ZNF318: variants seen among roughly 807,000 people sequenced by gnomAD.
The protein encoded by ZNF318 is zinc finger protein 318, also known as endocrine regulator.
In ZNF318, 51 loss-of-function variants were observed where a neutral mutation model predicts 124.2. The observed-to-expected ratio is 0.41, with a 90% confidence interval of 0.33 to 0.52. ZNF318 has a LOEUF of 0.52. ZNF318 is among the 20% of genes least tolerant of loss of function. The pLI is 0.23. For missense variants in ZNF318, 2,815 were observed against 2,811.2 expected (o/e 1.00, Z -0.03); for synonymous variants, 1,090 against 1,040.7 (o/e 1.05, Z -0.91).
In ZNF318 at chr6:43,338,904, T is replaced by C. The variant is rs760585928; in HGVS notation, c.5094A>G (p.Ile1698Met). 1.4e-5 allele frequency: 22 copies of C among 1,614,026 alleles called. No individual in the cohort carries two copies. The highest frequency in any genetic ancestry group is 2.2e-5 in the South Asian group (2 of 91,086). Residue 1698 changes from isoleucine to methionine, a missense_variant, in exon 10 of 10, where the codon ATA becomes ATG. Ile to Met is a conservative substitution (Grantham distance 10). Around this residue, in one of 4 missense-constraint regions of ZNF318, gnomAD observed 927 missense variants for 820.6 expected, o/e 1.13. Transcript: ENST00000361428. ...TITPKTDTLA[I>M]WTSSSFQSDT... is the part of the protein sequence containing the mutation. ...CACTCTGGAAGGAACTAGAGGTCCATATGGCCAAAGTGTCTGTCTTTGGGG... is the reference window on the plus strand; with the variant it reads ...CACTCTGGAAGGAACTAGAGGTCCACATGGCCAAAGTGTCTGTCTTTGGGG...
intron 6 of ZNF318, 91 bp downstream of exon 6, chr6:43,348,233 G>T: frequency 7.8e-7 from 1 of 1,281,558 alleles, no homozygotes; most frequent in Non-Finnish European, 1.1e-6. Flanking sequence ...AGTAAGAACA[G>T]TTTGAAAACC....
chr6:43,342,066 C>T (rs1779379078), intron 8 of ZNF318, 46 bp downstream of exon 8: 2 of 1,531,330 alleles, frequency 1.3e-6, no homozygotes, highest in Non-Finnish European at 9.1e-7. Flanking sequence ...ACCTCTTCCT[C>T]AACTGAATGT....
chr6:43,367,174 C>G (rs1779773388), intron 1 of ZNF318, among the ~76,000 whole-genome samples: 1 of 152,164 alleles, frequency 6.6e-6, no homozygotes, highest in Non-Finnish European at 1.5e-5. Flanking sequence ...CTTAGTCCTT[C>G]TTAGTACTTA....
chr6:43,358,431 T>TTC (rs147476379), intron 2 of ZNF318, among the ~76,000 whole-genome samples: 12 of 150,936 alleles, frequency 8.0e-5, no homozygotes, highest in African/African-American at 2.9e-4. Context: ...TTTTTTTTTT[T>TTC]TTCTGATTTT....
chr6:43,353,914 G>C (rs1312747721), intron 4 of ZNF318, among the ~76,000 whole-genome samples: 2 of 151,778 alleles, frequency 1.3e-5, no homozygotes, highest in African/African-American at 4.8e-5. Context: ...CACAGGCTGG[G>C]GACCCAATGA....
chr6:43,360,568 T>A (rs571056235), intron 2 of ZNF318, among the ~76,000 whole-genome samples: 27 of 152,264 alleles, frequency 1.8e-4, no homozygotes, highest in Admixed American at 5.2e-4. Flanking sequence ...TACATTTTTG[T>A]GTTTACAAAT....
intron 3 of ZNF318, among the ~76,000 whole-genome samples, chr6:43,356,516 G>A (rs1296279752): frequency 2.0e-5 from 3 of 152,190 alleles, no homozygotes; most frequent in African/African-American, 4.8e-5. Context: ...ACTCTGGAAC[G>A]CTAACTCATC....
rs1181224072 is a variant in ZNF318, at chr6:43,369,624, C to T, written c.-259G>A. ...CTCCGGGGTTCCCCGCTCCTCCACT[C>T]AGGGAGCGGCCGCAGGAACCAAGAA... On this transcript the variant is annotated 5_prime_UTR_variant, in exon 1 of 10. Transcript: ENST00000361428. 6.5e-6 allele frequency: 1 copy of T among 154,012 alleles called. No individual in the cohort carries two copies. The highest frequency in any genetic ancestry group is 2.4e-5 in the African/African-American group (1 of 41,416). 9.5% of individuals were successfully genotyped at this position (154,012 alleles called of 1,614,324 possible).
chr6:43,346,710 A>G (rs1779453203), intron 6 of ZNF318, among the ~76,000 whole-genome samples: 1 of 152,156 alleles, frequency 6.6e-6, no homozygotes. Context: ...TTGGGCTTTA[A>G]TGGGTGAGTG....
chr6:43,342,292 T>A, intron 7 of ZNF318, 81 bp from the exon 8 acceptor site: 1 of 1,170,134 alleles, frequency 8.5e-7, no homozygotes, highest in Non-Finnish European at 1.2e-6. Context: ...TCCCCCATAA[T>A]AAGACCAGGG....
chr6:43,345,968 G>A (rs935436376), intron 6 of ZNF318, among the ~76,000 whole-genome samples: 77 of 151,798 alleles, frequency 5.1e-4, no homozygotes, highest in African/African-American at 1.5e-3. Flanking sequence ...TTTGGGAGGC[G>A]GGGGCAGGTG....
Position 43,355,458 on chromosome 6 carries a change from A to G in ZNF318, c.1876T>C (p.Leu626=). The G allele has an allele frequency of 6.2e-7, 1 of 1,614,200 alleles. No individual in the cohort carries two copies. The highest frequency in any genetic ancestry group is 8.5e-7 in the Non-Finnish European group (1 of 1,180,036). Residue 626 remains leucine, a synonymous_variant, in exon 4 of 10, where the codon TTA becomes CTA. Coordinates refer to ENST00000361428, the MANE Select transcript of ZNF318 (RefSeq NM_014345.3). The stretch of plus-strand genomic sequence containing the variant: ...GAACGGCGGTCAGCTGAGGAGCGTA[A>G]TGATGGCTTCTTGCCATGAAGTCGT... The part of the protein sequence containing the change: ...QERLHGKKPS[L]RSSADRRSSV...
rs1424537445 is a variant in ZNF318, at chr6:43,337,527, T to C, written c.6471A>G (p.Thr2157=). 1 of 1,614,078 alleles carries C rather than the reference T, an allele frequency of 6.2e-7. No individual in the cohort carries two copies. The highest frequency in any genetic ancestry group is 8.5e-7 in the Non-Finnish European group (1 of 1,179,946). ...KQESLGLELK[T]INSAGLGPSP... ...ATGGCCCAAGGCCTGCAGAATTAAT[T>C]GTTTTTAATTCCAATCCGAGTGACT... The change falls in exon 10 of 10, where the codon ACA becomes ACG. Residue 2157 remains threonine (T), a synonymous_variant. Coordinates refer to ENST00000361428, the MANE Select transcript of ZNF318 (RefSeq NM_014345.3).
rs1330651023 is a variant in ZNF318 at position 43,342,201 on chromosome 6, G to T, written c.3287C>A (p.Pro1096His). The change falls in exon 8 of 10, where the codon CCC (proline) becomes CAC (histidine). Residue 1096 changes from proline to histidine, a missense_variant. This residue lies in a region of ZNF318 where 500 missense variants were observed against 605.2 expected (regional missense o/e 0.83). Coordinates refer to ENST00000361428, the MANE Select transcript of ZNF318 (RefSeq NM_014345.3). ...HNKKHTQTLDPYNRPWASKTQ... is the reference protein window; with the variant it reads ...HNKKHTQTLDHYNRPWASKTQ... ...CTTTGAAGCCCAAGGTCTGTTGTAG[G>T]GATCCAGTGTCTATTTGTAAGAGGC... The T allele has an allele frequency of 6.2e-7, 1 of 1,611,804 alleles. No homozygotes were observed. The highest frequency in any genetic ancestry group is 8.5e-7 in the Non-Finnish European group (1 of 1,179,062).
intron 1 of ZNF318, among the ~76,000 whole-genome samples, chr6:43,365,929 A>G (rs1296109952): frequency 3.3e-5 from 5 of 152,180 alleles, no homozygotes. Flanking sequence ...CTAAACGGTG[A>G]CCTCTCATTC....
At position 43,340,076 on chromosome 6, in the gene ZNF318, C is replaced by T. The variant is rs1257810452; in HGVS notation, c.3922G>A (p.Glu1308Lys). Residue 1308 changes from glutamate to lysine, a missense_variant, in exon 10 of 10, where the codon GAG (glutamate) becomes AAG (lysine). Coordinates refer to ENST00000361428, the MANE Select transcript of ZNF318 (RefSeq NM_014345.3). ...TTCCCAGCTTCAGTTTTGCCATCCTCTTTGTCCTTACTACTTTCTAGAATC... is the reference window on the plus strand; with the variant it reads ...TTCCCAGCTTCAGTTTTGCCATCCTTTTTGTCCTTACTACTTTCTAGAATC... ...EEILESSKDK[E>K]DGKTEAGKAK... 6.2e-7 allele frequency: 1 copy of T among 1,614,088 alleles called. No individual in the cohort carries two copies. Among genetic ancestry groups the T allele is most frequent in the Non-Finnish European group, 8.5e-7 (1 of 1,180,046 alleles).
intron 6 of ZNF318, among the ~76,000 whole-genome samples, chr6:43,346,781 A>C (rs1409053844): frequency 6.6e-6 from 1 of 152,174 alleles, no homozygotes; most frequent in African/African-American, 2.4e-5. Flanking sequence ...AGAGAGGTGT[A>C]ATACCAGATA....
In ZNF318 at chr6:43,355,886, T is replaced by G; in HGVS notation, c.1448A>C (p.Lys483Thr). ...FLCHKDNLDLKAEGPERHTDF... is the reference protein window; with the variant it reads ...FLCHKDNLDLTAEGPERHTDF... ...TGTGTGTCGCTCAGGTCCCTCAGCC[T>G]TCAAATCCAAATTATCCTTGTGGCA... is the stretch of plus-strand genomic sequence containing the variant. The change falls in exon 4 of 10, where the codon AAG becomes ACG. Residue 483 changes from lysine to threonine, a missense_variant. Around this residue, in one of 4 missense-constraint regions of ZNF318, gnomAD observed 1,377 missense variants for 1,353.5 expected, o/e 1.02. Transcript: ENST00000361428. The G allele has an allele frequency of 6.2e-7, 1 of 1,614,242 alleles. No individual in the cohort carries two copies.
At chr6:43,344,801 ATT>A (rs1414792240) in intron 6 of ZNF318, among the ~76,000 whole-genome samples, 1 of 152,220 alleles carries the variant, frequency 6.6e-6, no homozygotes, top group Non-Finnish European at 1.5e-5. Context: ...GATGGACAGA[ATT>A]AATACTTTGG....
Sources: gnomAD v4.1 joint callset for allele counts (sites outside exome capture counted in the v4.1 genomes callset) on GRCh38, gnomAD v4.1.1 for gene constraint, gnomAD v4.1.1 regional missense constraint, MANE v1.5 for transcripts, NCBI Gene and HGNC (gene_info 2026-07-23, HGNC 2026-07-21) for gene names.